GBE1: variants seen among roughly 807,000 people sequenced by gnomAD.
GBE1 encodes the protein 1,4-alpha-glucan branching enzyme 1.
Under a neutral mutation model 88.8 loss-of-function variants are expected in GBE1, and 70 were observed. That is an observed-to-expected ratio of 0.79 (90% CI 0.65 to 0.96). The LOEUF (loss-of-function observed/expected upper bound fraction) is 0.96. Among genes scored for constraint, GBE1 ranks in the 40% least tolerant of loss-of-function variants. The pLI is 0.00. For synonymous variants in GBE1, 284 were observed against 300.1 expected (o/e 0.95, Z 0.56); for missense variants, 872 against 871.0 (o/e 1.00, Z -0.01).
chr3:81,612,786 G>A (rs1007955453), intron 7 of GBE1: 12 of 436,890 alleles, frequency 2.7e-5, no homozygotes, highest in Admixed American at 1.9e-4. Flanking sequence ...CACAGCAGGA[G>A]GTGGTCCAGA....
At chr3:81,642,750 T>C (rs368853140) in intron 7 of GBE1, 31 bp downstream of exon 7, 59 of 1,363,272 alleles carry the variant, frequency 4.3e-5, no homozygotes, top group Middle Eastern at 1.8e-4. Flanking sequence ...ACAGCAACAA[T>C]AGAAAACATT....
In GBE1 at chr3:81,603,644, A is replaced by C. The variant is rs905804380; in HGVS notation, c.993-9621T>G. ...CAAGTAGCTGGGATTACAGGCACCC[A>C]CCACCACGCCCAGCTAATTTTTTGT... On this transcript the variant is annotated intron_variant, in intron 7 of 15. Coordinates refer to ENST00000429644, the MANE Select transcript of GBE1 (RefSeq NM_000158.4). Among the ~76,000 whole-genome samples, 6 of 151,988 alleles carry C rather than the reference A, an allele frequency of 3.9e-5. No homozygotes were observed. The East Asian group carries it at 9.7e-4, about 25-fold the overall frequency.
rs1327842535 is a variant in GBE1 at position 81,490,338 on chromosome 3, G to A, written c.*69C>T. On this transcript the variant is annotated 3_prime_UTR_variant, in exon 16 of 16. Transcript: ENST00000429644. ...ATTCTGAAAAGCATACATGTTATAA[G>A]CTGTGTGACAGTGATAACAAGAAAA... 7.4e-6 allele frequency: 9 copies of A among 1,212,518 alleles called. No individual in the cohort carries two copies. The East Asian group carries it at 2.1e-4, about 28-fold the overall frequency. The allele number at this position is 1,212,518 out of a possible 1,614,324, so 75.1% of individuals were successfully genotyped here.
At position 81,692,065 on chromosome 3, in the gene GBE1, G is replaced by C. The variant is rs940869994; in HGVS notation, c.313+13379C>G. 8.5e-5 allele frequency among the ~76,000 whole-genome samples: 13 copies of C among 152,228 alleles called. No individual in the cohort carries two copies. The East Asian group carries it at 1.4e-3, about 16-fold the overall frequency. On this transcript the variant is annotated intron_variant, in intron 2 of 15. Transcript: ENST00000429644. ...AAACTGCCATGACCTACACAGCCCA[G>C]ACTTCAGCATCTTCTTACAACAAGG...
intron 12 of GBE1, among the ~76,000 whole-genome samples, chr3:81,570,442 A>C (rs1378640838): frequency 6.6e-6 from 1 of 152,234 alleles, no homozygotes; most frequent in Non-Finnish European, 1.5e-5. Flanking sequence ...CAAGCATGAA[A>C]GATATTCCCA....
At chr3:81,506,731 T>C (rs1054694524) in intron 14 of GBE1, among the ~76,000 whole-genome samples, 2 of 152,182 alleles carry the variant, frequency 1.3e-5, no homozygotes, top group East Asian at 3.8e-4. Flanking sequence ...TGGAATGCTA[T>C]GCAGCTATTA....
chr3:81,536,987 C>A lies in GBE1; in HGVS notation c.1727G>T (p.Arg576Leu). The change falls in exon 13 of 16, where the codon CGC becomes CTC. Residue 576 changes from arginine to leucine, a missense_variant. Physicochemically the swap from Arg to Leu is moderately radical, Grantham distance 102. Transcript: ENST00000429644. ...QFHLTDDDLL[R>L]YKFLNNFDRD... ...GTCAAAATTATTTAGGAACTTGTAG[C>A]GAAGAAGGTCGTCGTCAGTTAAATG... The A allele has an allele frequency of 6.3e-7, 1 of 1,591,678 alleles. No homozygotes were observed. Among genetic ancestry groups the A allele is most frequent in the Non-Finnish European group, 8.5e-7 (1 of 1,170,378 alleles).
chr3:81,505,065 T>C (rs111501954), intron 14 of GBE1, among the ~76,000 whole-genome samples: 5 of 152,326 alleles, frequency 3.3e-5, no homozygotes, highest in African/African-American at 9.6e-5. Context: ...AATTATTTTA[T>C]ATATCTCTAA....
At chr3:81,604,918 T>G (rs547939904) in intron 7 of GBE1, among the ~76,000 whole-genome samples, 1 of 152,292 alleles carries the variant, frequency 6.6e-6, no homozygotes, top group Non-Finnish European at 1.5e-5. Context: ...CATTAAATTC[T>G]TCACTGATCA....
intron 4 of GBE1, 80 bp downstream of exon 4, chr3:81,649,716 C>A: frequency 8.5e-7 from 1 of 1,176,140 alleles, no homozygotes; most frequent in Non-Finnish European, 1.2e-6. Context: ...TTGAACATTA[C>A]TATAAAAGTT....
intron 12 of GBE1, among the ~76,000 whole-genome samples, chr3:81,551,307 C>G (rs1703269615): frequency 6.6e-6 from 1 of 152,100 alleles, no homozygotes; most frequent in Non-Finnish European, 1.5e-5. Flanking sequence ...ATAAAAATAT[C>G]CATTTCCTTA....
At chr3:81,685,315 T>G (rs904840604) in intron 2 of GBE1, among the ~76,000 whole-genome samples, 5 of 151,968 alleles carry the variant, frequency 3.3e-5, no homozygotes, top group African/African-American at 1.2e-4. Flanking sequence ...AGACAAGTTT[T>G]TTGTTGTTGT....
At position 81,761,430 on chromosome 3, in the gene GBE1, T is replaced by C. The variant is rs1236771685; in HGVS notation, c.88A>G (p.Arg30Gly). The C allele has an allele frequency of 1.2e-6, 2 of 1,613,550 alleles. No homozygotes were observed. Among genetic ancestry groups the C allele is most frequent in the Admixed American group, 1.7e-5 (1 of 60,014 alleles). Reference protein sequence around the residue: ...AALADVPELARLLEIDPYLKP... With the variant: ...AALADVPELAGLLEIDPYLKP... ...AAGTACGGGTCGATCTCCAGGAGTC[T>C]GGCCAGTTCGGGCACGTCAGCCAGG... The change falls in exon 1 of 16, where the codon AGA becomes GGA. Residue 30 changes from arginine to glycine, a missense_variant. By Grantham distance (125) the Arg-to-Gly change is moderately radical (BLOSUM62 -2). Coordinates refer to ENST00000429644, the MANE Select transcript of GBE1 (RefSeq NM_000158.4).
At chr3:81,681,866 T>C (rs1705349864) in intron 2 of GBE1, among the ~76,000 whole-genome samples, 1 of 152,190 alleles carries the variant, frequency 6.6e-6, no homozygotes. Context: ...GCAATCTTTG[T>C]AATCTCTGTT....
At chr3:81,619,023 T>G (rs1253288437) in intron 7 of GBE1, among the ~76,000 whole-genome samples, 1 of 152,116 alleles carries the variant, frequency 6.6e-6, no homozygotes, top group Admixed American at 6.6e-5. Context: ...AATGCAAACA[T>G]GCAGAAAATT....
intron 11 of GBE1, among the ~76,000 whole-genome samples, chr3:81,579,800 T>A (rs1290063872): frequency 6.6e-6 from 1 of 152,010 alleles, no homozygotes; most frequent in Non-Finnish European, 1.5e-5. Flanking sequence ...ACAGCCCCAA[T>A]TTGGAAGATG....
intron 7 of GBE1, among the ~76,000 whole-genome samples, chr3:81,633,543 A>C (rs1389551350): frequency 6.6e-6 from 1 of 152,176 alleles, no homozygotes; most frequent in Non-Finnish European, 1.5e-5. Context: ...ACCAAATTTT[A>C]ACTATACAGA....
chr3:81,672,086 A>G (rs1194618759), intron 2 of GBE1, among the ~76,000 whole-genome samples: 1 of 152,044 alleles, frequency 6.6e-6, no homozygotes, highest in Non-Finnish European at 1.5e-5. Flanking sequence ...TAAAACAACA[A>G]TAAGATATCA....
intron 14 of GBE1, among the ~76,000 whole-genome samples, chr3:81,527,717 A>G (rs1190031069): frequency 6.6e-6 from 1 of 152,108 alleles, no homozygotes; most frequent in Non-Finnish European, 1.5e-5. Context: ...TCAGGAAACA[A>G]CAGGTGCTGG....
Sources: gnomAD v4.1 joint callset for allele counts (sites outside exome capture counted in the v4.1 genomes callset) on GRCh38, gnomAD v4.1.1 for gene constraint, MANE v1.5 for transcripts, NCBI Gene and HGNC (gene_info 2026-07-23, HGNC 2026-07-21) for gene names.